The following TMEM68 variants were observed in gnomAD, a reference collection of about 807,000 sequenced individuals.
TMEM68 encodes the protein DGAT1/2-independent enzyme synthesizing storage lipids.
In TMEM68, 25 loss-of-function variants were observed where a neutral mutation model predicts 36.9. The ratio of observed to expected loss-of-function variants is 0.68; its 90% confidence interval spans 0.49 to 0.95. The LOEUF (loss-of-function observed/expected upper bound fraction) is 0.95, where lower values mean the gene tolerates loss of function less well. TMEM68 is among the 40% of genes least tolerant of loss of function. The pLI is 0.00. For synonymous variants in TMEM68, 131 were observed against 124.4 expected, an observed-to-expected ratio of 1.05 and a Z score of -0.35; for missense variants, 333 against 392.0, an observed-to-expected ratio of 0.85 and a Z score of 1.27.
At chr8:55,753,240 C>G (rs745548693) in intron 4 of TMEM68, among the ~76,000 whole-genome samples, 1 of 151,910 alleles carries the variant, frequency 6.6e-6, no homozygotes, top group Non-Finnish European at 1.5e-5. Flanking sequence ...ACCTAATGCT[C>G]CATTAGAGAA....
rs1205205964 is a variant in TMEM68 at position 55,756,338 on chromosome 8, A to C, written c.399T>G (p.Ile133Met). 6.2e-7 allele frequency: 1 copy of C among 1,605,822 alleles called. No individual in the cohort carries two copies. Among genetic ancestry groups the C allele is most frequent in the Non-Finnish European group, 8.5e-7 (1 of 1,177,296 alleles). Reference sequence around the variant, plus strand: ...CCATGAAATAGTAAAAATCTATAGGAATAGCTCCATGATAAAAAATTATAA... The same window carrying C: ...CCATGAAATAGTAAAAATCTATAGGCATAGCTCCATGATAAAAAATTATAA... ...PALIIFYHGA[I>M]PIDFYYFMAK... Residue 133 changes from isoleucine (I) to methionine (M), a missense_variant, in exon 4 of 8, where the codon ATT (isoleucine) becomes ATG (methionine). By Grantham distance (10) the Ile-to-Met change is conservative (BLOSUM62 1). Coordinates refer to ENST00000434581, the MANE Select transcript of TMEM68 (RefSeq NM_001286657.2).
At chr8:55,763,403 C>T (rs9720456) in intron 2 of TMEM68, 130,217 of 152,988 alleles carry the variant, frequency 0.85, 55,686 homozygotes, top group East Asian at 0.99. Flanking sequence ...TTTTTTTCTT[C>T]TTTGAGATGG....
intron 5 of TMEM68, chr8:55,746,362 T>C (rs758588889): frequency 3.1e-4 from 45 of 146,430 alleles, no homozygotes; most frequent in Non-Finnish European, 5.7e-4. Context: ...TAATTGATTG[T>C]AGAGAATTTC....
At chr8:55,751,296 C>A in intron 4 of TMEM68, 139 bp from the exon 5 acceptor site, 1 of 745,014 alleles carries the variant, frequency 1.3e-6, no homozygotes, top group Non-Finnish European at 2.1e-6. Flanking sequence ...TCAACAAAAA[C>A]TCTAAAGGTT....
At chr8:55,761,408 T>C (rs1247778110) in intron 3 of TMEM68, 1 of 152,216 alleles carries the variant, frequency 6.6e-6, no homozygotes, top group East Asian at 1.9e-4. Context: ...GAAATCTTAC[T>C]GGACTTTAAC....
chr8:55,753,479 C>T (rs1285068915), intron 4 of TMEM68, among the ~76,000 whole-genome samples: 1 of 152,116 alleles, frequency 6.6e-6, no homozygotes, highest in Non-Finnish European at 1.5e-5. Context: ...CTATAGTGAT[C>T]ATGTTAGTTT....
rs1416167331 is a variant in TMEM68, at chr8:55,756,388, T to C, written c.349A>G (p.Lys117Glu). The change falls in exon 4 of 8, where the codon AAA becomes GAA. Residue 117 changes from lysine to glutamate, a missense_variant. Transcript: ENST00000434581. ...WHGYEVHGME[K>E]IPEDGPALII... is the part of the protein sequence containing the mutation. Reference sequence around the variant, plus strand: ...AGTGCTGGTCCATCTTCTGGTATTTTTTCCATTCCATGAACTTCATAACCT... The same window carrying C: ...AGTGCTGGTCCATCTTCTGGTATTTCTTCCATTCCATGAACTTCATAACCT... 6.3e-7 allele frequency: 1 copy of C among 1,583,412 alleles called. No individual in the cohort carries two copies. The highest frequency in any genetic ancestry group is 1.4e-5 in the African/African-American group (1 of 73,080).
At chr8:55,760,896 T>G (rs1004887268) in intron 3 of TMEM68, 1 of 152,184 alleles carries the variant, frequency 6.6e-6, no homozygotes, top group African/African-American at 2.4e-5. Context: ...TACAAAACAG[T>G]CACTGAGTTT....
chr8:55,772,588 T>A (rs974533821), intron 1 of TMEM68, among the ~76,000 whole-genome samples: 1 of 152,086 alleles, frequency 6.6e-6, no homozygotes, highest in Non-Finnish European at 1.5e-5. Context: ...GCCTACAAGG[T>A]CCAAACCGAC....
At chr8:55,760,177 T>C (rs1353337154) in intron 3 of TMEM68, among the ~76,000 whole-genome samples, 1 of 152,228 alleles carries the variant, frequency 6.6e-6, no homozygotes, top group Admixed American at 6.5e-5. Flanking sequence ...TGGCAGTTAG[T>C]AGGGAATAGA....
chr8:55,765,601 C>G (rs1203627537), intron 1 of TMEM68, among the ~76,000 whole-genome samples: 1 of 152,058 alleles, frequency 6.6e-6, no homozygotes, highest in African/African-American at 2.4e-5. Flanking sequence ...TTTGGTAACT[C>G]GATCATACTG....
chr8:55,751,238 T>A lies in TMEM68; in HGVS notation c.494-81A>T, dbSNP rs137879996. ...AAAAGAAAAATCTTCACAAACTACA[T>A]AGTGTACTATTTATACTTAAATCAG... is the stretch of plus-strand genomic sequence containing the variant. On this transcript the variant is annotated intron_variant, in intron 4 of 7. Transcript: ENST00000434581. 3.2e-4 allele frequency: 399 copies of A among 1,235,504 alleles called. 1 individual carries two copies. Among genetic ancestry groups the A allele is most frequent in the Non-Finnish European group, 2.1e-4 (183 of 887,556 alleles). The allele number at this position is 1,235,504 out of a possible 1,614,324, so 76.5% of individuals were successfully genotyped here. A position where few individuals can be genotyped will look rare whatever the true frequency, so the allele number is the denominator to read the frequency against.
intron 4 of TMEM68, among the ~76,000 whole-genome samples, chr8:55,752,353 T>C (rs1810445820): frequency 6.6e-6 from 1 of 151,756 alleles, no homozygotes; most frequent in Non-Finnish European, 1.5e-5. Context: ...TTTGGGAAGA[T>C]GAGCGGGCAG....
rs768070569 is a variant in TMEM68, at chr8:55,766,373, C to CTT, written c.-114-2395_-114-2394dup. ...AACACTGTAGAGCTTTCTATGCACG[C>CTT]TTTTTTTTTTTTTTTTTTTTTGAGA... On this transcript the variant is annotated intron_variant, in intron 1 of 7. Transcript: ENST00000434581. 7.5e-4 allele frequency among the ~76,000 whole-genome samples: 85 copies of CTT among 113,050 alleles called. 2 individuals are homozygous for CTT. The highest frequency in any genetic ancestry group is 8.6e-4 in the Admixed American group (9 of 10,426). 74.2% of individuals were successfully genotyped at this position (113,050 alleles called of 152,430 possible). A position where few individuals can be genotyped will look rare whatever the true frequency, so the allele number is the denominator to read the frequency against.
intron 5 of TMEM68, chr8:55,745,468 A>G (rs1406011885): frequency 6.5e-6 from 1 of 154,934 alleles, no homozygotes; most frequent in Admixed American, 6.5e-5. Flanking sequence ...ATTCAACTTG[A>G]TCATTTGTAA....
At chr8:55,765,008 G>T (rs976432224) in intron 1 of TMEM68, among the ~76,000 whole-genome samples, 15 of 152,114 alleles carry the variant, frequency 9.9e-5, no homozygotes, top group African/African-American at 3.6e-4. Context: ...GGAGGCGGAG[G>T]TTGCAGCGAG....
chr8:55,752,744 A>G (rs1016890539), intron 4 of TMEM68, among the ~76,000 whole-genome samples: 19 of 141,950 alleles, frequency 1.3e-4, no homozygotes, highest in African/African-American at 5.1e-4. Flanking sequence ...TTTTTTTTGG[A>G]AACAGGGCCT....
chr8:55,761,939 CAA>C (rs908034137), intron 3 of TMEM68: 16 of 152,046 alleles, frequency 1.1e-4, no homozygotes, highest in African/African-American at 3.1e-4. Context: ...AGTCTAAAAA[CAA>C]AAGAGACCAA....
chr8:55,743,698 G>T, intron 6 of TMEM68, 78 bp from the exon 7 acceptor site: 1 of 1,341,710 alleles, frequency 7.5e-7, no homozygotes, highest in Non-Finnish European at 9.9e-7. Context: ...AATTAATTAT[G>T]TAGGACTTAC....
Sources: gnomAD v4.1 joint callset for allele counts (sites outside exome capture counted in the v4.1 genomes callset) on GRCh38, gnomAD v4.1.1 for gene constraint, MANE v1.5 for transcripts, NCBI Gene and HGNC (gene_info 2026-07-23, HGNC 2026-07-21) for gene names.